XXYLT1: variants seen among roughly 807,000 people sequenced by gnomAD.
XXYLT1 encodes UDP-xylose:alpha-xyloside alpha-1,3-xylosyltransferase.
XXYLT1 carries 20 observed loss-of-function variants against 28.9 expected under a neutral mutation model. The ratio of observed to expected loss-of-function variants is 0.69; its 90% CI spans 0.49 to 1.00. The LOEUF (loss-of-function observed/expected upper bound fraction) is 1.00, where lower values mean the gene tolerates loss of function less well. Among genes scored for constraint, XXYLT1 ranks in the 50% least tolerant of loss-of-function variants. The pLI is 0.00. For missense variants in XXYLT1, 542 were observed against 560.1 expected (o/e 0.97, Z 0.33); for synonymous variants, 257 against 253.8 (o/e 1.01, Z -0.12).
chr3:195,112,514 C>CA (rs1717798636), intron 3 of XXYLT1, among the ~76,000 whole-genome samples: 6 of 43,592 alleles, frequency 1.4e-4, no homozygotes, highest in Admixed American at 3.1e-4. Flanking sequence ...CCACACACAC[C>CA]CACACACACA....
chr3:195,136,263 T>A (rs933428298), intron 3 of XXYLT1, among the ~76,000 whole-genome samples: 2 of 152,132 alleles, frequency 1.3e-5, no homozygotes, highest in Non-Finnish European at 2.9e-5. Flanking sequence ...GGACCCTCAG[T>A]GCTCCTATAG....
intron 3 of XXYLT1, among the ~76,000 whole-genome samples, chr3:195,080,921 C>T (rs1374120415): frequency 6.6e-6 from 1 of 152,238 alleles, no homozygotes; most frequent in Non-Finnish European, 1.5e-5. Context: ...TGTGTTACTT[C>T]TCAAGATCAG....
Position 195,115,603 on chromosome 3 carries a change from G to A in XXYLT1, c.785+40846C>T, listed in dbSNP as rs779188729. Among the ~76,000 whole-genome samples, 1 of 152,242 alleles carries A rather than the reference G, an allele frequency of 6.6e-6. No homozygotes were observed. The highest frequency in any genetic ancestry group is 1.5e-5 in the Non-Finnish European group (1 of 68,046). Reference sequence around the variant, plus strand: ...ACGCGTGAAGGCCTCAGGAGCCACAGTGGAAGTGGTTTGGAAAGCACAGCT... The same window carrying A: ...ACGCGTGAAGGCCTCAGGAGCCACAATGGAAGTGGTTTGGAAAGCACAGCT... On this transcript the variant is annotated intron_variant, in intron 3 of 3. Coordinates refer to ENST00000310380, the MANE Select transcript of XXYLT1 (RefSeq NM_152531.5). This position sits in a 1 kb window ranked among gnomAD's most constrained non-coding sequence, Gnocchi z 4.2.
rs559943978 is a variant in XXYLT1 at position 195,078,218 on chromosome 3, C to T, written c.786-8107G>A. Among the ~76,000 whole-genome samples, 34 of 152,042 alleles carry T rather than the reference C, an allele frequency of 2.2e-4. No individual in the cohort carries two copies. The highest frequency in any genetic ancestry group is 6.3e-4 in the African/African-American group (26 of 41,478). ...GAGCCCAGCAGGTGGCTGGAGGTAC[C>T]GGCCATAAGCAGAGAGCACCAAGCA... On this transcript the variant is annotated intron_variant, in intron 3 of 3. Transcript: ENST00000310380. This position sits in a 1 kb window ranked among gnomAD's most constrained non-coding sequence, Gnocchi z 5.0.
intron 1 of XXYLT1, among the ~76,000 whole-genome samples, chr3:195,228,549 G>T (rs1724159184): frequency 6.7e-6 from 1 of 148,508 alleles, no homozygotes; most frequent in South Asian, 2.2e-4. Flanking sequence ...TGGAGTACAG[G>T]GGTGCAATCT....
intron 2 of XXYLT1, among the ~76,000 whole-genome samples, chr3:195,170,925 A>G (rs1721374354): frequency 6.6e-6 from 1 of 152,116 alleles, no homozygotes; most frequent in South Asian, 2.1e-4. Context: ...CCTCAGAAAT[A>G]GGTGAGGACA....
rs966628449 is a variant in XXYLT1 at position 195,176,781 on chromosome 3, A to G, written c.653-20200T>C. ...GAATTGACAATATGAAAAGCTCAGT[A>G]AGAAGACGCAAAAGTCACAGTTCCC... On this transcript the variant is annotated intron_variant, in intron 2 of 3. Coordinates refer to ENST00000310380, the MANE Select transcript of XXYLT1 (RefSeq NM_152531.5). The surrounding 1 kb of genome is among the most constrained non-coding windows in gnomAD (Gnocchi z 4.9). Among the ~76,000 whole-genome samples, 1 of 152,210 alleles carries G rather than the reference A, an allele frequency of 6.6e-6. No individual in the cohort carries two copies. The highest frequency in any genetic ancestry group is 1.5e-5 in the Non-Finnish European group (1 of 68,038).
intron 1 of XXYLT1, among the ~76,000 whole-genome samples, chr3:195,231,750 T>G (rs1301828826): frequency 1.4e-5 from 2 of 148,128 alleles, no homozygotes; most frequent in African/African-American, 5.2e-5. Context: ...TCATGATGAA[T>G]GATTTTTTTT....
chr3:195,254,335 G>T (rs1725394186), intron 1 of XXYLT1, among the ~76,000 whole-genome samples: 1 of 152,364 alleles, frequency 6.6e-6, no homozygotes, highest in Non-Finnish European at 1.5e-5. Context: ...GCCTGACGAG[G>T]TGATTTTCAA....
Position 195,245,922 on chromosome 3 carries a change from G to A in XXYLT1, c.505-19066C>T, listed in dbSNP as rs551032058. On this transcript the variant is annotated intron_variant, in intron 1 of 3. Coordinates refer to ENST00000310380, the MANE Select transcript of XXYLT1 (RefSeq NM_152531.5). ...CCTAAGGCCTCCCGCAGAAGCAGGC[G>A]CTGGCACCACCCTTCTCTACAGCCT... 6.6e-5 allele frequency among the ~76,000 whole-genome samples: 10 copies of A among 152,306 alleles called. No homozygotes were observed. The East Asian group carries it at 9.6e-4, about 15-fold the overall frequency.
chr3:195,228,730 C>T (rs187698224), intron 1 of XXYLT1, among the ~76,000 whole-genome samples: 294 of 151,894 alleles, frequency 1.9e-3, no homozygotes, highest in African/African-American at 6.6e-3. Flanking sequence ...CCTCGTGATG[C>T]GCCCGCCTCG....
chr3:195,218,861 C>T (rs180977945), intron 2 of XXYLT1, among the ~76,000 whole-genome samples: 1 of 152,144 alleles, frequency 6.6e-6, no homozygotes, highest in East Asian at 1.9e-4. Context: ...AAGACACACG[C>T]ACCCGTATGT....
At chr3:195,149,699 A>G (rs1265078875) in intron 3 of XXYLT1, among the ~76,000 whole-genome samples, 2 of 152,232 alleles carry the variant, frequency 1.3e-5, no homozygotes, top group Non-Finnish European at 2.9e-5. Context: ...CTGGGATATT[A>G]AAATGTTCTT....
At chr3:195,185,112 A>T (rs1722132354) in intron 2 of XXYLT1, among the ~76,000 whole-genome samples, 1 of 134,236 alleles carries the variant, frequency 7.4e-6, no homozygotes, top group Non-Finnish European at 1.5e-5. Context: ...GAAGGAAGGA[A>T]GGAAGGAAGG....
intron 3 of XXYLT1, among the ~76,000 whole-genome samples, chr3:195,084,684 G>A (rs567837811): frequency 1.3e-5 from 2 of 152,280 alleles, no homozygotes; most frequent in South Asian, 4.1e-4. Flanking sequence ...AACCACCCAA[G>A]GATGTTCTAG....
At chr3:195,250,958 C>T (rs1255746700) in intron 1 of XXYLT1, among the ~76,000 whole-genome samples, 2 of 152,230 alleles carry the variant, frequency 1.3e-5, no homozygotes, top group Non-Finnish European at 2.9e-5. Flanking sequence ...ATGCTCATCT[C>T]AAAGCAGCAC....
chr3:195,253,503 C>CA (rs1456749743), intron 1 of XXYLT1, among the ~76,000 whole-genome samples: 3 of 130,240 alleles, frequency 2.3e-5, no homozygotes, highest in Non-Finnish European at 4.9e-5. Flanking sequence ...CTTTTTTTTT[C>CA]TTTTTTTTTT....
chr3:195,098,639 G>A (rs1716592396), intron 3 of XXYLT1, among the ~76,000 whole-genome samples: 1 of 152,254 alleles, frequency 6.6e-6, no homozygotes, highest in Admixed American at 6.5e-5. Flanking sequence ...CAGAGGAGGT[G>A]AAGCCACGGG....
At chr3:195,214,186 G>A (rs552718198) in intron 2 of XXYLT1, among the ~76,000 whole-genome samples, 53 of 152,138 alleles carry the variant, frequency 3.5e-4, no homozygotes, top group South Asian at 3.3e-3. Context: ...GGTCAGCCCC[G>A]TTACAGTTCA....
Sources: allele counts gnomAD v4.1 joint callset (sites outside exome capture counted in the v4.1 genomes callset), GRCh38; gene constraint gnomAD v4.1.1; non-coding constraint Gnocchi (gnomAD v3.1); transcripts MANE v1.5; gene names NCBI Gene and HGNC (gene_info 2026-07-23, HGNC 2026-07-21).